PRKAR1B: variants seen among roughly 807,000 people sequenced by gnomAD.
The protein encoded by PRKAR1B is protein kinase cAMP-dependent type I regulatory subunit beta.
PRKAR1B carries 22 observed loss-of-function variants against 46.5 expected under a neutral mutation model. The observed-to-expected ratio is 0.47, with a 90% CI of 0.34 to 0.68. The LOEUF (loss-of-function observed/expected upper bound fraction) is 0.68, where lower values mean the gene tolerates loss of function less well. PRKAR1B is among the 30% of genes least tolerant of loss of function. The pLI is 0.01. For synonymous variants in PRKAR1B, 259 were observed against 217.7 expected (o/e 1.19, Z -1.67); for missense variants, 445 against 535.6 (o/e 0.83, Z 1.67).
intron 7 of PRKAR1B, among the ~76,000 whole-genome samples, chr7:588,683 GATGGTGATGGTGGTGA>G (rs1583256326): frequency 3.6e-3 from 140 of 38,566 alleles, no homozygotes; most frequent in East Asian, 0.013. Context: ...TGATGACGAT[GATGGTGATGGTGGTGA>G]TGGTGATGGT....
intron 2 of PRKAR1B, among the ~76,000 whole-genome samples, chr7:686,018 C>T (rs766348003): frequency 3.9e-5 from 6 of 152,030 alleles, no homozygotes; most frequent in South Asian, 4.1e-4. Flanking sequence ...AATGGAGAAT[C>T]GGCCAGGTGT....
At chr7:621,993 G>A (rs1020158100) in intron 4 of PRKAR1B, among the ~76,000 whole-genome samples, 13 of 152,208 alleles carry the variant, frequency 8.5e-5, no homozygotes, top group South Asian at 8.3e-4. Flanking sequence ...TGATGCAAAT[G>A]GAGCGGCCCA....
chr7:573,962 G>T (rs1022490199), intron 9 of PRKAR1B, among the ~76,000 whole-genome samples: 2 of 152,242 alleles, frequency 1.3e-5, no homozygotes, highest in South Asian at 4.1e-4. Context: ...TGTGCGTGGG[G>T]GGCTCCCAGG....
intron 4 of PRKAR1B, among the ~76,000 whole-genome samples, chr7:626,472 A>T (rs1783409376): frequency 6.6e-6 from 1 of 152,192 alleles, no homozygotes; most frequent in African/African-American, 2.4e-5. Context: ...TCCAGCCTGG[A>T]TGACAGAGAC....
intron 6 of PRKAR1B, among the ~76,000 whole-genome samples, chr7:600,095 G>T (rs1781506482): frequency 6.6e-6 from 1 of 152,224 alleles, no homozygotes; most frequent in African/African-American, 2.4e-5. Flanking sequence ...AGTTTAAGAA[G>T]ACAAGAACAT....
chr7:604,564 C>T (rs111557788), intron 6 of PRKAR1B, among the ~76,000 whole-genome samples: 256 of 152,342 alleles, frequency 1.7e-3, no homozygotes, highest in African/African-American at 5.7e-3. Context: ...GGGCCAGGCC[C>T]GAGGCACGTG....
At chr7:563,122 G>C (rs1778908774) in intron 9 of PRKAR1B, among the ~76,000 whole-genome samples, 1 of 152,096 alleles carries the variant, frequency 6.6e-6, no homozygotes, top group Admixed American at 6.6e-5. Flanking sequence ...TCTGCTTCCT[G>C]GGATCAAACA....
In PRKAR1B at chr7:677,231, C is replaced by T. The variant is rs1188039585; in HGVS notation, c.438G>A (p.Arg146=). Residue 146 remains arginine, a splice_region_variant and synonymous_variant, in exon 4 of 11, where the codon AGG becomes AGA. Transcript: ENST00000537384. The part of the protein sequence containing the change: ...VLFAHLDDNE[R]SDIFDAMFPV... The stretch of plus-strand genomic sequence containing the variant: ...GGGCAGGGGACGAGTCTGCCTACCT[C>T]CTCTCGTTGTCATCCAGGTGAGCGA... 6.2e-7 allele frequency: 1 copy of T among 1,614,210 alleles called. No homozygotes were observed. The highest frequency in any genetic ancestry group is 1.1e-5 in the South Asian group (1 of 91,086).
intron 5 of PRKAR1B, 143 bp downstream of exon 5, chr7:607,248 A>T: frequency 1.5e-6 from 1 of 654,070 alleles, no homozygotes; most frequent in Admixed American, 3.1e-5. Flanking sequence ...CCCTGACCTC[A>T]GGTGATCTGC....
At chr7:722,144 A>T (rs1781097159) in intron 1 of PRKAR1B, among the ~76,000 whole-genome samples, 2 of 119,532 alleles carry the variant, frequency 1.7e-5, no homozygotes, top group Admixed American at 2.4e-4. Context: ...TCTGTCACCC[A>T]GGCTGGAGTG....
chr7:680,415 C>T (rs970765762), intron 3 of PRKAR1B, 141 bp downstream of exon 3: 12 of 874,030 alleles, frequency 1.4e-5, no homozygotes, highest in Non-Finnish European at 2.0e-5. Flanking sequence ...TCTGCCATCA[C>T]CCACATAGTC....
At chr7:701,113 A>T (rs1206693791) in intron 2 of PRKAR1B, among the ~76,000 whole-genome samples, 3 of 151,732 alleles carry the variant, frequency 2.0e-5, no homozygotes, top group Admixed American at 2.0e-4. Flanking sequence ...TCCTGAACCC[A>T]GGAGGCAGAG....
At chr7:622,494 T>C (rs1055663040) in intron 4 of PRKAR1B, among the ~76,000 whole-genome samples, 2 of 152,238 alleles carry the variant, frequency 1.3e-5, no homozygotes, top group African/African-American at 4.8e-5. Context: ...TCGTATCCAG[T>C]AATAAAGAAG....
chr7:562,537 C>T (rs1192610947), intron 9 of PRKAR1B, among the ~76,000 whole-genome samples: 1 of 152,198 alleles, frequency 6.6e-6, no homozygotes, highest in Non-Finnish European at 1.5e-5. Context: ...GGAACGCGTC[C>T]CTTCCAGCCC....
chr7:652,154 G>T (rs1196894905), intron 4 of PRKAR1B, among the ~76,000 whole-genome samples: 2 of 142,192 alleles, frequency 1.4e-5, no homozygotes, highest in Non-Finnish European at 3.0e-5. Flanking sequence ...CACAGTGCTA[G>T]GAACCTGGGA....
chr7:608,234 GC>G (rs1339088450), intron 4 of PRKAR1B: 8 of 152,448 alleles, frequency 5.2e-5, no homozygotes, highest in Non-Finnish European at 1.2e-4. Flanking sequence ...AGAGCACTCA[GC>G]CCACAATGTG....
chr7:582,876 C>T (rs1005953147), intron 8 of PRKAR1B, among the ~76,000 whole-genome samples: 2 of 152,222 alleles, frequency 1.3e-5, no homozygotes, highest in Admixed American at 6.5e-5. Context: ...GCAAATGTCC[C>T]CCTCTCGGCC....
At chr7:720,423 C>G (rs1781033804) in intron 1 of PRKAR1B, among the ~76,000 whole-genome samples, 3 of 152,172 alleles carry the variant, frequency 2.0e-5, no homozygotes, top group Admixed American at 1.3e-4. Flanking sequence ...ATATCTTGGT[C>G]TCTGTTCTGA....
chr7:680,849 AGTTGGACATACGGTTAGGCTTT>A lies in PRKAR1B; in HGVS notation c.178-145_178-124del, dbSNP rs2128507782. ...AGTGGGAGGATCGCTTGAACTCAGG[AGTTGGACATACGGTTAGGCTTT>A]GTGTCCCCACCCAAATCTCTTTTTC... is the stretch of plus-strand genomic sequence containing the variant. On this transcript the variant is annotated intron_variant, in intron 2 of 10. Coordinates refer to ENST00000537384, the MANE Select transcript of PRKAR1B (RefSeq NM_001164760.2). 2.6e-6 allele frequency: 3 copies of A among 1,133,434 alleles called. No homozygotes were observed. The South Asian group carries it at 4.2e-5, about 16-fold the overall frequency. The allele number at this position is 1,133,434 out of a possible 1,614,324, so 70.2% of individuals were successfully genotyped here.
Sources: gnomAD v4.1 joint callset for allele counts (sites outside exome capture counted in the v4.1 genomes callset) on GRCh38, gnomAD v4.1.1 for gene constraint, MANE v1.5 for transcripts, NCBI Gene and HGNC (gene_info 2026-07-23, HGNC 2026-07-21) for gene names.